The following CTNNA1 variants were observed in gnomAD, a reference collection of about 807,000 sequenced individuals.
The protein encoded by CTNNA1 is catenin alpha-1.
CTNNA1 carries 37 observed loss-of-function variants against 98.4 expected under a neutral mutation model. That is an observed-to-expected ratio of 0.38 (90% CI 0.29 to 0.49). The LOEUF (loss-of-function observed/expected upper bound fraction) is 0.49, where lower values mean the gene tolerates loss of function less well. Among genes scored for constraint, CTNNA1 ranks in the 20% least tolerant of loss-of-function variants. The probability of loss-of-function intolerance (pLI) is 0.95; values close to 1 mark genes in which losing one functional copy is unlikely to be tolerated. For missense variants in CTNNA1, 761 were observed against 1,147.2 expected, an observed-to-expected ratio of 0.66 and a Z score of 4.86; for synonymous variants, 404 against 413.2, an observed-to-expected ratio of 0.98 and a Z score of 0.27.
Position 138,874,237 on chromosome 5 carries a change from T to C in CTNNA1, c.1063-11975T>C. The C allele has an allele frequency of 1.2e-6, 2 of 1,614,046 alleles. No homozygotes were observed. The highest frequency in any genetic ancestry group is 1.7e-6 in the Non-Finnish European group (2 of 1,179,886). On this transcript the variant is annotated intron_variant, in intron 7 of 17. Transcript: ENST00000302763. This position sits in a 1 kb window ranked among gnomAD's most constrained non-coding sequence, Gnocchi z 4.1. ...TTAAGATTAATTCCTTAAGTTTATA[T>C]AGTCCTTGAAAAGCATCTTCTTTTA...
intron 11 of CTNNA1, among the ~76,000 whole-genome samples, chr5:138,919,706 G>C (rs1037199777): frequency 6.6e-6 from 1 of 152,224 alleles, no homozygotes; most frequent in African/African-American, 2.4e-5. Context: ...TCAGTCAAAG[G>C]TGGTGGTGTT....
At chr5:138,825,701 C>T (rs1432970519) in intron 6 of CTNNA1, among the ~76,000 whole-genome samples, 1 of 151,872 alleles carries the variant, frequency 6.6e-6, no homozygotes, top group East Asian at 1.9e-4. Flanking sequence ...ACTTTACTTT[C>T]GCTTAGGTAG....
intron 5 of CTNNA1, among the ~76,000 whole-genome samples, chr5:138,816,506 T>A (rs1759446877): frequency 6.6e-6 from 1 of 152,088 alleles, no homozygotes; most frequent in South Asian, 2.1e-4. Flanking sequence ...TGTATAAGAG[T>A]GTTCCCCTTT....
At chr5:138,891,265 C>T (rs984223826) in intron 9 of CTNNA1, 5 of 152,190 alleles carry the variant, frequency 3.3e-5, no homozygotes, top group African/African-American at 1.2e-4. Context: ...GTGTAAATCC[C>T]TTTCACTTGT....
intron 3 of CTNNA1, among the ~76,000 whole-genome samples, chr5:138,807,911 CTATTTTTTTG>C (rs1356109597): frequency 2.6e-5 from 4 of 151,960 alleles, no homozygotes; most frequent in African/African-American, 9.7e-5. Context: ...CCACACCTGG[CTATTTTTTTG>C]TATTTTTTTA....
intron 5 of CTNNA1, among the ~76,000 whole-genome samples, chr5:138,821,599 A>T (rs1157139900): frequency 6.6e-6 from 1 of 152,190 alleles, no homozygotes; most frequent in Admixed American, 6.5e-5. Context: ...TTGTTAAGAG[A>T]GAAATGAGAG....
In CTNNA1 at chr5:138,753,630, G is replaced by C. The variant is rs921491785; in HGVS notation, c.-3+120G>C. Reference sequence around the variant, plus strand: ...GCGGGCGGGCGAGCGGGCGGGGCGCGGTTTCTTTGGCGACGTCGCCGGGAA... The same window carrying C: ...GCGGGCGGGCGAGCGGGCGGGGCGCCGTTTCTTTGGCGACGTCGCCGGGAA... On this transcript the variant is annotated intron_variant, in intron 1 of 17. Coordinates refer to ENST00000302763, the MANE Select transcript of CTNNA1 (RefSeq NM_001903.5). The C allele has an allele frequency of 1.4e-5, 5 of 352,268 alleles. No homozygotes were observed. The Admixed American group carries it at 1.4e-4, about 10-fold the overall frequency. The allele number at this position is 352,268 out of a possible 1,614,324, so 21.8% of individuals were successfully genotyped here.
rs952584226 is a variant in CTNNA1 at position 138,900,340 on chromosome 5, C to G, written c.1297-4009C>G. 6.9e-4 allele frequency among the ~76,000 whole-genome samples: 105 copies of G among 152,194 alleles called. 1 individual carries two copies. On this transcript the variant is annotated intron_variant, in intron 9 of 17. Transcript: ENST00000302763. ...GACTTAAAAGCTCCCTGTCCCACATCTCTTCTCACTTGCTTACTCCTACAA... is the reference window on the plus strand; with the variant it reads ...GACTTAAAAGCTCCCTGTCCCACATGTCTTCTCACTTGCTTACTCCTACAA...
In CTNNA1 at chr5:138,932,209, G is replaced by A. The variant is rs1214364424; in HGVS notation, c.2299-369G>A. ...TAGCCAGGCTCCTGCTTGCTGAGCC[G>A]GCTTGTTCTCACCTCGAGGGGCATG... On this transcript the variant is annotated intron_variant, in intron 16 of 17. Transcript: ENST00000302763. 21 of 1,034,434 alleles carry A rather than the reference G, an allele frequency of 2.0e-5. No homozygotes were observed. In the South Asian group the frequency reaches 2.6e-4, roughly 13 times the overall value. The allele number at this position is 1,034,434 out of a possible 1,614,324, so 64.1% of individuals were successfully genotyped here.
intron 13 of CTNNA1, among the ~76,000 whole-genome samples, chr5:138,928,238 G>C (rs1764549471): frequency 6.6e-6 from 1 of 152,108 alleles, no homozygotes; most frequent in South Asian, 2.1e-4. Context: ...ACTGCCAGAG[G>C]ACAACATTAT....
chr5:138,779,957 A>G (rs1754869700), intron 1 of CTNNA1, among the ~76,000 whole-genome samples: 2 of 151,886 alleles, frequency 1.3e-5, no homozygotes, highest in African/African-American at 2.4e-5. Flanking sequence ...ATTTGCCAAC[A>G]TTGTTTTTAA....
chr5:138,872,660 C>A (rs1401595121), intron 7 of CTNNA1: 4 of 174,214 alleles, frequency 2.3e-5, no homozygotes, highest in Admixed American at 5.8e-5. Context: ...TCTGTTTCTG[C>A]CCAATAGCTT....
intron 7 of CTNNA1, among the ~76,000 whole-genome samples, chr5:138,832,916 G>GC (rs1397276337): frequency 6.6e-6 from 1 of 152,074 alleles, no homozygotes; most frequent in Non-Finnish European, 1.5e-5. Context: ...ACTTCTGAAG[G>GC]GCTCTATGCT....
In CTNNA1 at chr5:138,824,516, A is replaced by G; in HGVS notation, c.589-14A>G. 1 of 1,607,856 alleles carries G rather than the reference A, an allele frequency of 6.2e-7. No homozygotes were observed. Among genetic ancestry groups the G allele is most frequent in the Non-Finnish European group, 8.5e-7 (1 of 1,174,886 alleles). ...AAAGAGTGCTCCAATTTCTTGTTTT[A>G]TTTACTCTTGTAGGAATTGAAAGAT... On this transcript the variant is annotated splice_polypyrimidine_tract_variant and intron_variant, in intron 5 of 17. Coordinates refer to ENST00000302763, the MANE Select transcript of CTNNA1 (RefSeq NM_001903.5).
In CTNNA1 at chr5:138,873,847, C is replaced by T; in HGVS notation, c.1063-12365C>T. 1 of 1,614,012 alleles carries T rather than the reference C, an allele frequency of 6.2e-7. No homozygotes were observed. Among genetic ancestry groups the T allele is most frequent in the Non-Finnish European group, 8.5e-7 (1 of 1,179,896 alleles). On this transcript the variant is annotated intron_variant, in intron 7 of 17. Transcript: ENST00000302763. This position sits in a 1 kb window ranked among gnomAD's most constrained non-coding sequence, Gnocchi z 6.1. ...CACATGTCAAGTTGCTGATTTTGTTCCATTGTAAGAAGAGCGTGTGCAGAC... is the reference window on the plus strand; with the variant it reads ...CACATGTCAAGTTGCTGATTTTGTTTCATTGTAAGAAGAGCGTGTGCAGAC...
chr5:138,894,696 C>T (rs1204939580), intron 9 of CTNNA1, among the ~76,000 whole-genome samples: 1 of 151,924 alleles, frequency 6.6e-6, no homozygotes, highest in African/African-American at 2.4e-5. Flanking sequence ...TAGCACTAAC[C>T]CTGTCCCTCC....
Position 138,824,540 on chromosome 5 carries a change from A to T in CTNNA1, c.599A>T (p.Asp200Val). The T allele has an allele frequency of 1.9e-6, 3 of 1,613,712 alleles. No individual in the cohort carries two copies. The highest frequency in any genetic ancestry group is 2.5e-6 in the Non-Finnish European group (3 of 1,179,604). ...MAAKRQQELK[D>V]VGHRDQMAAA... ...TATTTACTCTTGTAGGAATTGAAAG[A>T]TGTTGGCCATCGTGATCAGATGGCT... is the stretch of plus-strand genomic sequence containing the variant. The change falls in exon 6 of 18, where the codon GAT becomes GTT. Residue 200 changes from aspartate (D) to valine (V), a missense_variant. Around this residue, in one of 6 missense-constraint regions of CTNNA1, gnomAD observed 328 missense variants for 354.3 expected, o/e 0.93. Transcript: ENST00000302763.
At chr5:138,844,946 G>A (rs1156974955) in intron 7 of CTNNA1, among the ~76,000 whole-genome samples, 1 of 152,172 alleles carries the variant, frequency 6.6e-6, no homozygotes, top group Non-Finnish European at 1.5e-5. Context: ...CTGGCTAGAA[G>A]CAGTCTTCTT....
At chr5:138,832,014 A>G (rs534393414) in intron 7 of CTNNA1, among the ~76,000 whole-genome samples, 1 of 152,338 alleles carries the variant, frequency 6.6e-6, no homozygotes, top group South Asian at 2.1e-4. Flanking sequence ...TCTACTTCCT[A>G]TTAGATCTTT....
Sources: allele counts gnomAD v4.1 joint callset (sites outside exome capture counted in the v4.1 genomes callset), GRCh38; gene constraint gnomAD v4.1.1; regional missense constraint gnomAD v4.1.1; non-coding constraint Gnocchi (gnomAD v3.1); transcripts MANE v1.5; gene names NCBI Gene and HGNC (gene_info 2026-07-23, HGNC 2026-07-21).